TAFA1: variants seen among roughly 807,000 people sequenced by gnomAD.
TAFA1 encodes the protein chemokine-like protein TAFA-1.
TAFA1 carries 4 observed loss-of-function variants against 18.5 expected under a neutral mutation model. The observed-to-expected ratio is 0.22, with a 90% confidence interval of 0.11 to 0.49. The LOEUF (loss-of-function observed/expected upper bound fraction) is 0.49. Among genes scored for constraint, TAFA1 ranks in the 20% least tolerant of loss-of-function variants. TAFA1 has a pLI of 0.98. For missense variants in TAFA1, 147 were observed against 169.0 expected (o/e 0.87, Z 0.72); for synonymous variants, 56 against 55.2 (o/e 1.01, Z -0.06).
At chr3:68,351,542 C>A (rs765341374) in intron 2 of TAFA1, among the ~76,000 whole-genome samples, 3 of 151,958 alleles carry the variant, frequency 2.0e-5, no homozygotes, top group Non-Finnish European at 4.4e-5. Context: ...TTTATATATT[C>A]ATGGGGGACA....
At chr3:68,110,275 G>T (rs190296763) in intron 2 of TAFA1, among the ~76,000 whole-genome samples, 1 of 152,264 alleles carries the variant, frequency 6.6e-6, no homozygotes, top group African/African-American at 2.4e-5. Flanking sequence ...ATGGCTTCCA[G>T]CTCCTTCCAT....
chr3:68,411,378 C>T (rs1473050306), intron 2 of TAFA1, among the ~76,000 whole-genome samples: 1 of 152,128 alleles, frequency 6.6e-6, no homozygotes, highest in Non-Finnish European at 1.5e-5. Context: ...ATTATTTGAT[C>T]ATGCAAAAAT....
At chr3:68,091,355 A>G (rs920489695) in intron 2 of TAFA1, among the ~76,000 whole-genome samples, 4 of 152,114 alleles carry the variant, frequency 2.6e-5, no homozygotes, top group South Asian at 4.1e-4. Flanking sequence ...TCCATTGAAA[A>G]GTTTGGCTTT....
At chr3:68,375,733 T>C (rs549536492) in intron 2 of TAFA1, among the ~76,000 whole-genome samples, 1 of 152,348 alleles carries the variant, frequency 6.6e-6, no homozygotes, top group East Asian at 1.9e-4. Flanking sequence ...TCAGGCTCAG[T>C]GCTACATAGT....
At chr3:68,203,807 T>C (rs1413981332) in intron 2 of TAFA1, among the ~76,000 whole-genome samples, 1 of 151,696 alleles carries the variant, frequency 6.6e-6, no homozygotes, top group Admixed American at 6.6e-5. Context: ...ATGGTATACT[T>C]GGTTAAGAAC....
chr3:68,096,392 C>T (rs2065087300), intron 2 of TAFA1, among the ~76,000 whole-genome samples: 1 of 152,050 alleles, frequency 6.6e-6, no homozygotes, highest in South Asian at 2.1e-4. Context: ...TTAATCCTGG[C>T]AAAATTGCCC....
intron 2 of TAFA1, among the ~76,000 whole-genome samples, chr3:68,360,946 G>A (rs1215144392): frequency 2.6e-5 from 4 of 152,092 alleles, no homozygotes; most frequent in African/African-American, 4.8e-5. Context: ...CACATGTTAT[G>A]ATTTCGGTCT....
chr3:68,169,039 T>A (rs13097074), intron 2 of TAFA1, among the ~76,000 whole-genome samples: 2 of 152,130 alleles, frequency 1.3e-5, no homozygotes, highest in African/African-American at 4.8e-5. Context: ...TCCTAAACAG[T>A]GTCTTAGACA....
At chr3:68,037,374 G>C (rs1468957379) in intron 2 of TAFA1, among the ~76,000 whole-genome samples, 1 of 152,160 alleles carries the variant, frequency 6.6e-6, no homozygotes, top group East Asian at 1.9e-4. Flanking sequence ...TTTTATCTTA[G>C]AAGCCTGTAA....
chr3:68,088,322 G>T (rs750380282), intron 2 of TAFA1, among the ~76,000 whole-genome samples: 12 of 152,098 alleles, frequency 7.9e-5, no homozygotes, highest in Admixed American at 3.9e-4. Flanking sequence ...ATAGATTTTG[G>T]TTTTTTTGAT....
intron 3 of TAFA1, among the ~76,000 whole-genome samples, chr3:68,501,399 G>T (rs1297247064): frequency 6.6e-6 from 1 of 152,144 alleles, no homozygotes; most frequent in African/African-American, 2.4e-5. Flanking sequence ...CACGGAATAT[G>T]CAAAGCAATA....
At chr3:68,466,543 C>A (rs532680325) in intron 3 of TAFA1, among the ~76,000 whole-genome samples, 13 of 152,142 alleles carry the variant, frequency 8.5e-5, no homozygotes, top group Non-Finnish European at 8.8e-5. Flanking sequence ...TTGAAGTACT[C>A]GGTCCTGTAT....
chr3:68,014,940 G>A (rs928301077), intron 2 of TAFA1, among the ~76,000 whole-genome samples: 8 of 152,084 alleles, frequency 5.3e-5, no homozygotes, highest in African/African-American at 1.9e-4. Flanking sequence ...CCTACCTGCA[G>A]GCTGTCAGTG....
At chr3:68,172,197 G>A (rs139801781) in intron 2 of TAFA1, among the ~76,000 whole-genome samples, 9 of 152,282 alleles carry the variant, frequency 5.9e-5, no homozygotes, top group Non-Finnish European at 1.0e-4. Context: ...AGAATCTTGA[G>A]AGCAACAGAG....
At chr3:68,355,778 T>C (rs548713106) in intron 2 of TAFA1, among the ~76,000 whole-genome samples, 49 of 152,052 alleles carry the variant, frequency 3.2e-4, no homozygotes, top group Middle Eastern at 3.4e-3. Flanking sequence ...GCTTTTCTTA[T>C]GTTCAAAGCT....
At chr3:68,235,716 C>T (rs972736372) in intron 2 of TAFA1, among the ~76,000 whole-genome samples, 7 of 152,096 alleles carry the variant, frequency 4.6e-5, no homozygotes, top group African/African-American at 1.7e-4. Context: ...TCCAGTGAGA[C>T]TCAGACCTGG....
chr3:68,057,563 T>C (rs2064551469), intron 2 of TAFA1, among the ~76,000 whole-genome samples: 2 of 152,220 alleles, frequency 1.3e-5, no homozygotes, highest in Admixed American at 1.3e-4. Flanking sequence ...CAGTGTGTGA[T>C]ATGCAAAATA....
At chr3:68,420,001 C>T (rs927760614) in intron 3 of TAFA1, among the ~76,000 whole-genome samples, 1 of 151,970 alleles carries the variant, frequency 6.6e-6, no homozygotes, top group East Asian at 1.9e-4. Flanking sequence ...TTATTTTTAC[C>T]TTCTCATAAA....
chr3:68,076,610 A>G (rs1410074982), intron 2 of TAFA1, among the ~76,000 whole-genome samples: 1 of 152,176 alleles, frequency 6.6e-6, no homozygotes, highest in Non-Finnish European at 1.5e-5. Context: ...TTCCAATTTC[A>G]TCCATGTCCC....
Sources: gnomAD v4.1 joint callset for allele counts (sites outside exome capture counted in the v4.1 genomes callset) on GRCh38, gnomAD v4.1.1 for gene constraint, MANE v1.5 for transcripts, NCBI Gene and HGNC (gene_info 2026-07-23, HGNC 2026-07-21) for gene names.